The following SLC12A7 variants were observed in gnomAD, a reference collection of about 807,000 sequenced individuals.
SLC12A7 encodes the protein K-Cl cotransporter 4.
Under a neutral mutation model 120.6 loss-of-function variants are expected in SLC12A7, and 100 were observed. That is an observed-to-expected ratio of 0.83 (90% CI 0.71 to 0.98). The LOEUF (loss-of-function observed/expected upper bound fraction) is 0.98. Ranked by LOEUF, SLC12A7 falls within the 50% of genes least tolerant of loss-of-function variation. The pLI, the probability that SLC12A7 is intolerant of heterozygous loss-of-function variation, is 0.00. For synonymous variants in SLC12A7, 760 were observed against 678.0 expected, an observed-to-expected ratio of 1.12 and a Z score of -1.88; for missense variants, 1,373 against 1,548.1, an observed-to-expected ratio of 0.89 and a Z score of 1.90.
chr5:1,079,225 G>A (rs926097593), intron 10 of SLC12A7, among the ~76,000 whole-genome samples, 173 bp downstream of exon 10: 1 of 152,214 alleles, frequency 6.6e-6, no homozygotes. Context: ...AGAAGCCAGG[G>A]TCCTGACAGC....
At chr5:1,064,522 C>G (rs1736706466) in intron 18 of SLC12A7, among the ~76,000 whole-genome samples, 1 of 152,252 alleles carries the variant, frequency 6.6e-6, no homozygotes, top group African/African-American at 2.4e-5. Context: ...GATGGCCGCT[C>G]CCAGGGCCAG....
the SLC12A7 span, among the ~76,000 whole-genome samples, chr5:1,125,731 C>A: frequency 6.6e-6 from 1 of 152,080 alleles, no homozygotes; most frequent in African/African-American, 2.4e-5. Context: ...TTGAGATCAG[C>A]CTGGCCCACA....
intron 17 of SLC12A7, 45 bp downstream of exon 17, chr5:1,073,588 C>T (rs753780680): frequency 1.3e-6 from 2 of 1,563,742 alleles, no homozygotes; most frequent in African/African-American, 1.4e-5. Flanking sequence ...TCCTGTGCAG[C>T]TGGGGTGGGA....
chr5:1,062,696 ACTGAGGGACTGGGGG>A lies in SLC12A7; in HGVS notation c.2739+1133_2739+1147del, dbSNP rs1736427970. The stretch of plus-strand genomic sequence containing the variant: ...GGCTGGGGGGCTGGGGGGCTGGGGG[ACTGAGGGACTGGGGG>A]ACTGGGGGGCTGCGGGGCTGGAGAG... On this transcript the variant is annotated intron_variant, in intron 20 of 23. Transcript: ENST00000264930. 5.8e-4 allele frequency among the ~76,000 whole-genome samples: 6 copies of A among 10,298 alleles called. No homozygotes were observed. In the Admixed American group the frequency reaches 0.013, roughly 23 times the overall value. The allele number at this position is 10,298 out of a possible 152,430, so 6.8% of individuals were successfully genotyped here.
chr5:1,089,691 G>A (rs1290435456), intron 3 of SLC12A7, among the ~76,000 whole-genome samples: 2 of 152,240 alleles, frequency 1.3e-5, no homozygotes, highest in Non-Finnish European at 1.5e-5. Flanking sequence ...TCCACGTGGG[G>A]GCCACCCCGC....
At chr5:1,097,091 G>A (rs541653169) in intron 1 of SLC12A7, among the ~76,000 whole-genome samples, 15 of 152,328 alleles carry the variant, frequency 9.8e-5, no homozygotes, top group African/African-American at 3.4e-4. Flanking sequence ...CACCAGGAGT[G>A]CAGCTTGGGG....
At chr5:1,148,058 A>C in the SLC12A7 span, among the ~76,000 whole-genome samples, 2 of 152,028 alleles carry the variant, frequency 1.3e-5, no homozygotes, top group Non-Finnish European at 2.9e-5. Flanking sequence ...AAATGTATAC[A>C]ACCAAACTGT....
rs369319767 is a variant in SLC12A7, at chr5:1,089,120, G to A, written c.351C>T (p.Arg117=). ...ESRRREAKAP[R]MGTFIGVYLP... ...GGTAGACGCCGATGAAGGTGCCCATGCGCGGAGCCTGCGACAGAGCATAGC... is the reference window on the plus strand; with the variant it reads ...GGTAGACGCCGATGAAGGTGCCCATACGCGGAGCCTGCGACAGAGCATAGC... Residue 117 remains arginine (R), a synonymous_variant, in exon 4 of 24, where the codon CGC becomes CGT. Coordinates refer to ENST00000264930, the MANE Select transcript of SLC12A7 (RefSeq NM_006598.3). The A allele has an allele frequency of 5.0e-6, 8 of 1,612,544 alleles. No individual in the cohort carries two copies. Among genetic ancestry groups the A allele is most frequent in the Non-Finnish European group, 6.8e-6 (8 of 1,179,960 alleles).
chr5:1,114,942 G>C (rs1743256775), upstream of SLC12A7, among the ~76,000 whole-genome samples: 1 of 152,232 alleles, frequency 6.6e-6, no homozygotes, highest in Non-Finnish European at 1.5e-5. Flanking sequence ...TCTGGATAAT[G>C]GTGCCCACAG....
At chr5:1,151,336 C>T in the SLC12A7 span, among the ~76,000 whole-genome samples, 7 of 152,228 alleles carry the variant, frequency 4.6e-5, no homozygotes, top group African/African-American at 1.4e-4. The surrounding 1 kb of genome is among the most constrained non-coding windows in gnomAD (Gnocchi z 6.2). Context: ...TCAGCCTGGC[C>T]TCGGCACACA....
At chr5:1,084,170 G>A (rs377014363) in intron 7 of SLC12A7, among the ~76,000 whole-genome samples, 3 of 151,122 alleles carry the variant, frequency 2.0e-5, no homozygotes, top group South Asian at 2.1e-4. Flanking sequence ...ACTGGGGACC[G>A]GGGACTGGGG....
In SLC12A7 at chr5:1,057,474, T is replaced by A; in HGVS notation, c.3023A>T (p.Lys1008Met). Reference protein sequence around the residue: ...LSGFKDLFSMKPDQSNVRRMH... With the variant: ...LSGFKDLFSMMPDQSNVRRMH... ...GGCCACACGCACGGACACTCACGGCTTCATGCTGAAGAGGTCTTTGAAACC... is the reference window on the plus strand; with the variant it reads ...GGCCACACGCACGGACACTCACGGCATCATGCTGAAGAGGTCTTTGAAACC... The change falls in exon 22 of 24, where the codon AAG becomes ATG. Residue 1008 changes from lysine to methionine, a missense_variant. By Grantham distance (95) the Lys-to-Met change is moderately conservative. Coordinates refer to ENST00000264930, the MANE Select transcript of SLC12A7 (RefSeq NM_006598.3). 1 of 1,610,416 alleles carries A rather than the reference T, an allele frequency of 6.2e-7. No individual in the cohort carries two copies. Among genetic ancestry groups the A allele is most frequent in the African/African-American group, 1.3e-5 (1 of 75,018 alleles).
upstream of SLC12A7, among the ~76,000 whole-genome samples, chr5:1,112,904 G>A (rs776772850): frequency 8.5e-6 from 1 of 117,290 alleles, no homozygotes; most frequent in Non-Finnish European, 1.7e-5. Context: ...TACCACCCAC[G>A]AAGACCCCAG....
intron 1 of SLC12A7, among the ~76,000 whole-genome samples, chr5:1,094,922 A>G (rs968508950): frequency 1.3e-5 from 2 of 151,582 alleles, no homozygotes; most frequent in African/African-American, 4.8e-5. Context: ...GAGCATGAGC[A>G]AGGGAATTGG....
At position 1,112,006 on chromosome 5, in the gene SLC12A7, G is replaced by T. The variant is rs775451322; in HGVS notation, c.-15C>A. On this transcript the variant is annotated 5_prime_UTR_variant, in exon 1 of 24. Transcript: ENST00000264930. ...TTGGTGGGCATGGCCGCCTGCAGCC[G>T]ACAGTCCCCGTCCCGGCCCGGCCCG... 3 of 1,265,106 alleles carry T rather than the reference G, an allele frequency of 2.4e-6. No homozygotes were observed. Among genetic ancestry groups the T allele is most frequent in the South Asian group, 3.3e-5 (1 of 30,666 alleles). 78.4% of individuals were successfully genotyped at this position (1,265,106 alleles called of 1,614,324 possible). A position where few individuals can be genotyped will look rare whatever the true frequency, so the allele number is the denominator to read the frequency against.
At chr5:1,150,174 A>G in the SLC12A7 span, among the ~76,000 whole-genome samples, 54 of 152,166 alleles carry the variant, frequency 3.5e-4, 1 homozygote, top group Admixed American at 1.0e-3. Flanking sequence ...CATCAGCTCT[A>G]TGATTTGCAA....
intron 3 of SLC12A7, among the ~76,000 whole-genome samples, 179 bp from the exon 4 acceptor site, chr5:1,089,307 C>A (rs1740238589): frequency 1.3e-5 from 2 of 152,112 alleles, no homozygotes; most frequent in African/African-American, 4.8e-5. Flanking sequence ...CCCTGACCAT[C>A]CCGGAATGAG....
intron 23 of SLC12A7, among the ~76,000 whole-genome samples, chr5:1,053,006 T>C (rs967165229): frequency 9.2e-5 from 14 of 152,136 alleles, no homozygotes; most frequent in African/African-American, 3.1e-4. Flanking sequence ...CGGCGCAGGG[T>C]GGGGCTGAGC....
intron 21 of SLC12A7, 67 bp from the exon 22 acceptor site, chr5:1,057,716 A>G (rs1322227213): frequency 6.8e-7 from 1 of 1,469,746 alleles, no homozygotes; most frequent in African/African-American, 1.4e-5. Context: ...GCGACCCGGG[A>G]TGCCAGGCCG....
Sources: allele counts gnomAD v4.1 joint callset (sites outside exome capture counted in the v4.1 genomes callset), GRCh38; gene constraint gnomAD v4.1.1; non-coding constraint Gnocchi (gnomAD v3.1); transcripts MANE v1.5; gene names NCBI Gene and HGNC (gene_info 2026-07-23, HGNC 2026-07-21).